The following KIAA1549 variants were observed in gnomAD, a reference collection of about 807,000 sequenced individuals.
KIAA1549 encodes UPF0606 protein KIAA1549.
In KIAA1549, 70 loss-of-function variants were observed where a neutral mutation model predicts 156.4. The ratio of observed to expected loss-of-function variants is 0.45; its 90% CI spans 0.37 to 0.55. KIAA1549 has a LOEUF of 0.55. KIAA1549 is among the 20% of genes least tolerant of loss of function. The pLI is 0.00. For synonymous variants in KIAA1549, 1,103 were observed against 1,066.4 expected (o/e 1.03, Z -0.67); for missense variants, 2,428 against 2,540.9 (o/e 0.96, Z 0.96).
rs762212044 is a variant in KIAA1549, at chr7:138,917,238, C to T, written c.2388G>A (p.Thr796=). The change falls in exon 2 of 20, where the codon ACG becomes ACA. Residue 796 remains threonine (T), a synonymous_variant. Coordinates refer to ENST00000422774, the MANE Select transcript of KIAA1549 (RefSeq NM_001164665.2). ...ACAAAGAAGACTCAGTTAAAATGGG[C>T]GTTGTGTGGACAGTGGTCAATGGTG... ...ATSPLTTVHT[T]PILTESSLFS... The T allele has an allele frequency of 6.8e-6, 11 of 1,613,668 alleles. No homozygotes were observed. The highest frequency in any genetic ancestry group is 5.0e-5 in the Admixed American group (3 of 59,984).
intron 15 of KIAA1549, among the ~76,000 whole-genome samples, chr7:138,866,181 A>T (rs570366798): frequency 4.6e-5 from 7 of 152,026 alleles, no homozygotes; most frequent in Non-Finnish European, 1.0e-4. Flanking sequence ...AGACAGCCTA[A>T]CTCTGAAATC....
chr7:138,959,022 C>G (rs1218816731), intron 1 of KIAA1549, among the ~76,000 whole-genome samples: 1 of 152,138 alleles, frequency 6.6e-6, no homozygotes, highest in Non-Finnish European at 1.5e-5. Context: ...GCCTCAGCCC[C>G]CCGAGTAGCT....
Position 138,868,135 on chromosome 7 carries a change from G to T in KIAA1549, c.4776-7C>A, listed in dbSNP as rs1337660373. On this transcript the variant is annotated splice_polypyrimidine_tract_variant and splice_region_variant and intron_variant, in intron 14 of 19. Coordinates refer to ENST00000422774, the MANE Select transcript of KIAA1549 (RefSeq NM_001164665.2). ...AGAACGTTTTATCCGTGAGCTGCCAGGAAAAAGAGAAATTATCTTCGTAGG... is the reference window on the plus strand; with the variant it reads ...AGAACGTTTTATCCGTGAGCTGCCATGAAAAAGAGAAATTATCTTCGTAGG... 6.2e-7 allele frequency: 1 copy of T among 1,611,060 alleles called. No homozygotes were observed. The highest frequency in any genetic ancestry group is 8.5e-7 in the Non-Finnish European group (1 of 1,178,976).
chr7:138,836,878 T>G lies in KIAA1549; in HGVS notation c.*1028A>C, dbSNP rs1809724185. 1 of 225,880 alleles carries G rather than the reference T, an allele frequency of 4.4e-6. No individual in the cohort carries two copies. Among genetic ancestry groups the G allele is most frequent in the Non-Finnish European group, 8.8e-6 (1 of 113,524 alleles). 14.0% of individuals were successfully genotyped at this position (225,880 alleles called of 1,614,324 possible). On this transcript the variant is annotated 3_prime_UTR_variant, in exon 20 of 20. Coordinates refer to ENST00000422774, the MANE Select transcript of KIAA1549 (RefSeq NM_001164665.2). ...ACAGGGAATGTGACTGGTAGGGATGTATGTATAACAATTTCGTGGTGCTGG... is the reference window on the plus strand; with the variant it reads ...ACAGGGAATGTGACTGGTAGGGATGGATGTATAACAATTTCGTGGTGCTGG...
intron 1 of KIAA1549, among the ~76,000 whole-genome samples, chr7:138,929,708 A>AAAAC (rs1449322111): frequency 6.6e-6 from 1 of 152,034 alleles, no homozygotes; most frequent in African/African-American, 2.4e-5. Context: ...TTTGTTTTTT[A>AAAAC]AGACAGTGCC....
Position 138,834,599 on chromosome 7 carries a change from G to A in KIAA1549, c.*3307C>T, listed in dbSNP as rs1030243696. On this transcript the variant is annotated 3_prime_UTR_variant, in exon 20 of 20. Transcript: ENST00000422774. ...TTGGTGCCAGAGACACCAGAAAGTC[G>A]GGAGCAGAAAGATGCTTAATAAATG... The A allele has an allele frequency of 1.6e-4, 36 of 231,170 alleles. No individual in the cohort carries two copies. Among genetic ancestry groups the A allele is most frequent in the African/African-American group, 6.6e-4 (30 of 45,238 alleles). The allele number at this position is 231,170 out of a possible 1,614,324, so 14.3% of individuals were successfully genotyped here. A position where few individuals can be genotyped will look rare whatever the true frequency, so the allele number is the denominator to read the frequency against.
chr7:138,845,314 TAG>T (rs1371694328), intron 17 of KIAA1549, among the ~76,000 whole-genome samples: 32 of 152,278 alleles, frequency 2.1e-4, no homozygotes, highest in African/African-American at 7.7e-4. Flanking sequence ...AGGATTCTCA[TAG>T]AGTTTGCATC....
In KIAA1549 at chr7:138,909,256, C is replaced by T. The variant is rs1812100944; in HGVS notation, c.3146-135G>A. 6 of 867,720 alleles carry T rather than the reference C, an allele frequency of 6.9e-6. 1 individual carries two copies. Among genetic ancestry groups the T allele is most frequent in the Non-Finnish European group, 1.0e-5 (6 of 572,388 alleles). The allele number at this position is 867,720 out of a possible 1,614,324, so 53.8% of individuals were successfully genotyped here. ...TATGGGATTAAGTACTGTGATGTAA[C>T]ATTTCTACGTATTTTCTCACGGAAA... is the stretch of plus-strand genomic sequence containing the variant. On this transcript the variant is annotated intron_variant, in intron 4 of 19. Transcript: ENST00000422774.
Position 138,884,239 on chromosome 7 carries a change from C to T in KIAA1549, c.4033-2655G>A, listed in dbSNP as rs1404319768. On this transcript the variant is annotated intron_variant, in intron 10 of 19. Transcript: ENST00000422774. The stretch of plus-strand genomic sequence containing the variant: ...CCACGGAGGGCACAGAAGCTCTGTA[C>T]CCCCGATTCCCCCCACACCTCACCC... Among the ~76,000 whole-genome samples the T allele has an allele frequency of 2.0e-5, 3 of 151,640 alleles. No homozygotes were observed. In the East Asian group the frequency reaches 5.8e-4, roughly 30 times the overall value.
chr7:138,924,886 G>A (rs1812669193), intron 1 of KIAA1549, among the ~76,000 whole-genome samples: 1 of 152,196 alleles, frequency 6.6e-6, no homozygotes, highest in Admixed American at 6.5e-5. Context: ...GGATGACAGA[G>A]AAAGGAAAGG....
intron 1 of KIAA1549, among the ~76,000 whole-genome samples, chr7:138,935,020 G>GC (rs1041396902): frequency 1.3e-5 from 2 of 152,076 alleles, no homozygotes; most frequent in African/African-American, 2.4e-5. Context: ...CTTGCTCAGT[G>GC]CCCCCCGGAG....
At chr7:138,850,081 T>C (rs1810195098) in intron 17 of KIAA1549, among the ~76,000 whole-genome samples, 1 of 152,194 alleles carries the variant, frequency 6.6e-6, no homozygotes, top group Admixed American at 6.5e-5. Context: ...TATATACCCA[T>C]TAATGGAATT....
intron 8 of KIAA1549, among the ~76,000 whole-genome samples, chr7:138,900,708 A>G (rs1811817311): frequency 1.3e-5 from 2 of 152,176 alleles, no homozygotes; most frequent in African/African-American, 4.8e-5. Flanking sequence ...TTCTTGCTCT[A>G]CTAGTTCCTG....
chr7:138,889,584 C>A (rs1262361354), intron 10 of KIAA1549, among the ~76,000 whole-genome samples: 3 of 152,208 alleles, frequency 2.0e-5, no homozygotes, highest in African/African-American at 7.2e-5. Context: ...AAACGCTCAA[C>A]TGAAGTACCA....
At chr7:138,925,227 C>T (rs1812679399) in intron 1 of KIAA1549, among the ~76,000 whole-genome samples, 1 of 152,198 alleles carries the variant, frequency 6.6e-6, no homozygotes, top group African/African-American at 2.4e-5. Flanking sequence ...CAGACTCTCA[C>T]AAGCAAGACG....
chr7:138,861,657 G>A (rs1287391638), intron 15 of KIAA1549, among the ~76,000 whole-genome samples: 1 of 145,742 alleles, frequency 6.9e-6, no homozygotes, highest in Non-Finnish European at 1.5e-5. Flanking sequence ...TTCGAGACCA[G>A]CCTGGGCAAC....
chr7:138,979,481 G>A (rs1360446448), intron 1 of KIAA1549, among the ~76,000 whole-genome samples: 4 of 152,176 alleles, frequency 2.6e-5, no homozygotes, highest in African/African-American at 4.8e-5. Flanking sequence ...GTAAAATGGG[G>A]ATAACTATGC....
chr7:138,929,851 C>A (rs1401393508), intron 1 of KIAA1549, among the ~76,000 whole-genome samples: 1 of 152,106 alleles, frequency 6.6e-6, no homozygotes, highest in African/African-American at 2.4e-5. Context: ...CCACTATGCC[C>A]AGCTATTTAT....
At chr7:138,957,286 C>A (rs1161356434) in intron 1 of KIAA1549, among the ~76,000 whole-genome samples, 1 of 152,124 alleles carries the variant, frequency 6.6e-6, no homozygotes, top group Non-Finnish European at 1.5e-5. Context: ...GAGACACTGC[C>A]ATGTGAGGCA....
Sources: gnomAD v4.1 joint callset for allele counts (sites outside exome capture counted in the v4.1 genomes callset) on GRCh38, gnomAD v4.1.1 for gene constraint, MANE v1.5 for transcripts, NCBI Gene and HGNC (gene_info 2026-07-23, HGNC 2026-07-21) for gene names.